ANGPT1: variants seen among roughly 807,000 people sequenced by gnomAD.
ANGPT1 encodes angiopoietin-1.
In ANGPT1, 17 loss-of-function variants were observed where a neutral mutation model predicts 62.2. The observed-to-expected ratio is 0.27, with a 90% confidence interval of 0.19 to 0.41. The LOEUF (loss-of-function observed/expected upper bound fraction) is 0.41, where lower values mean the gene tolerates loss of function less well. ANGPT1 is among the 10% of genes least tolerant of loss of function. ANGPT1 has a pLI of 1.00. For missense variants in ANGPT1, 478 were observed against 594.9 expected (o/e 0.80, Z 2.04); for synonymous variants, 199 against 198.9 (o/e 1.00, Z 0.00).
At chr8:107,379,438 T>C (rs1441348580) in intron 1 of ANGPT1, among the ~76,000 whole-genome samples, 6 of 152,112 alleles carry the variant, frequency 3.9e-5, no homozygotes, top group Non-Finnish European at 1.5e-5. Flanking sequence ...CTGCCTGAGA[T>C]AGAGCAAGCA....
At position 107,497,609 on chromosome 8, in the gene ANGPT1, T is replaced by C; in HGVS notation, c.-51A>G. On this transcript the variant is annotated 5_prime_UTR_variant, in exon 1 of 9. Coordinates refer to ENST00000517746, the MANE Select transcript of ANGPT1 (RefSeq NM_001146.5). The stretch of plus-strand genomic sequence containing the variant: ...GCCTCTCGCAAAACTTGCTCCTTTC[T>C]TCTGACCTCTAAAACTAGTTCTTTA... 2 of 1,554,502 alleles carry C rather than the reference T, an allele frequency of 1.3e-6. No individual in the cohort carries two copies. The highest frequency in any genetic ancestry group is 1.7e-6 in the Non-Finnish European group (2 of 1,145,654).
At chr8:107,264,475 A>G (rs1197348673) in intron 7 of ANGPT1, 124 bp from the exon 8 acceptor site, 1 of 1,230,892 alleles carries the variant, frequency 8.1e-7, no homozygotes, top group Admixed American at 2.7e-5. Flanking sequence ...CAGCCCTTCC[A>G]ACAAACCTCT....
chr8:107,261,113 A>G (rs865864168), intron 8 of ANGPT1, among the ~76,000 whole-genome samples: 2 of 152,234 alleles, frequency 1.3e-5, no homozygotes, highest in Non-Finnish European at 2.9e-5. Context: ...TGGAGAAAAT[A>G]AAGCATATTT....
At chr8:107,277,908 T>C (rs1355929420) in intron 7 of ANGPT1, among the ~76,000 whole-genome samples, 1 of 152,044 alleles carries the variant, frequency 6.6e-6, no homozygotes, top group African/African-American at 2.4e-5. Context: ...CTGGATGGGA[T>C]CCTGAATCCA....
intron 3 of ANGPT1, among the ~76,000 whole-genome samples, chr8:107,329,716 T>C (rs1363295003): frequency 6.6e-6 from 1 of 152,038 alleles, no homozygotes; most frequent in East Asian, 1.9e-4. Context: ...ATGGCATTTG[T>C]TGGGTTAGAG....
chr8:107,365,735 G>T (rs1816258749), intron 1 of ANGPT1, among the ~76,000 whole-genome samples: 2 of 152,018 alleles, frequency 1.3e-5, no homozygotes, highest in Admixed American at 1.3e-4. Context: ...GAATAAGATT[G>T]GTTCTTCTCA....
intron 8 of ANGPT1, among the ~76,000 whole-genome samples, chr8:107,260,022 A>G (rs1158242359): frequency 6.6e-6 from 1 of 152,144 alleles, no homozygotes; most frequent in Non-Finnish European, 1.5e-5. Context: ...TTAAATTTTT[A>G]ATGAAACTTA....
At chr8:107,277,851 G>A (rs1813901795) in intron 7 of ANGPT1, among the ~76,000 whole-genome samples, 1 of 152,068 alleles carries the variant, frequency 6.6e-6, no homozygotes, top group South Asian at 2.1e-4. Flanking sequence ...GACTGTTTCA[G>A]GTAAAAGGCG....
At chr8:107,454,642 G>T (rs187329771) in intron 1 of ANGPT1, among the ~76,000 whole-genome samples, 2 of 151,968 alleles carry the variant, frequency 1.3e-5, no homozygotes, top group African/African-American at 4.8e-5. Flanking sequence ...CCGCTAATGC[G>T]CTGAGATGTA....
intron 1 of ANGPT1, among the ~76,000 whole-genome samples, chr8:107,395,421 T>C (rs1816916661): frequency 6.6e-6 from 1 of 152,208 alleles, no homozygotes; most frequent in Non-Finnish European, 1.5e-5. Flanking sequence ...CATATTTTTG[T>C]TAAGAATTTT....
chr8:107,476,209 G>A (rs1812521712), intron 1 of ANGPT1, among the ~76,000 whole-genome samples: 1 of 152,132 alleles, frequency 6.6e-6, no homozygotes, highest in African/African-American at 2.4e-5. Flanking sequence ...TGATAGACTG[G>A]ATTAAGAAAA....
intron 1 of ANGPT1, among the ~76,000 whole-genome samples, chr8:107,466,812 TGAGATAA>T (rs1302514734): frequency 6.6e-6 from 1 of 151,966 alleles, no homozygotes; most frequent in African/African-American, 2.4e-5. Context: ...CTTAGGAGGC[TGAGATAA>T]GAGAATTGCT....
chr8:107,267,363 A>C (rs1305023931), intron 7 of ANGPT1, among the ~76,000 whole-genome samples: 1 of 152,080 alleles, frequency 6.6e-6, no homozygotes, highest in African/African-American at 2.4e-5. Context: ...GTATCTCTCT[A>C]TATGTGTGCT....
chr8:107,284,920 T>C, intron 6 of ANGPT1, 72 bp from the exon 7 acceptor site: 1 of 1,149,300 alleles, frequency 8.7e-7, no homozygotes, highest in Non-Finnish European at 1.1e-6. Flanking sequence ...TTTAACTATT[T>C]TCTAAATAAT....
At chr8:107,435,998 G>A (rs994827054) in intron 1 of ANGPT1, among the ~76,000 whole-genome samples, 1 of 152,120 alleles carries the variant, frequency 6.6e-6, no homozygotes, top group Non-Finnish European at 1.5e-5. Flanking sequence ...AACCTCCTGG[G>A]CCCAAGCCAT....
intron 1 of ANGPT1, among the ~76,000 whole-genome samples, chr8:107,387,913 T>G (rs1816762952): frequency 6.6e-6 from 1 of 152,112 alleles, no homozygotes; most frequent in Admixed American, 6.6e-5. Context: ...CCCAACTCCT[T>G]TCTAAATTTT....
At chr8:107,399,533 C>A (rs565858054) in intron 1 of ANGPT1, among the ~76,000 whole-genome samples, 1 of 152,104 alleles carries the variant, frequency 6.6e-6, no homozygotes, top group Non-Finnish European at 1.5e-5. Flanking sequence ...AAAAACGCAT[C>A]ATTTAAAATA....
At chr8:107,286,426 G>T (rs957243001) in intron 6 of ANGPT1, among the ~76,000 whole-genome samples, 5 of 152,070 alleles carry the variant, frequency 3.3e-5, no homozygotes, top group African/African-American at 9.7e-5. Context: ...ATATTGCCTT[G>T]CATGTGTCTT....
At chr8:107,433,830 C>T (rs775112065) in intron 1 of ANGPT1, among the ~76,000 whole-genome samples, 20 of 152,300 alleles carry the variant, frequency 1.3e-4, no homozygotes, top group Admixed American at 7.2e-4. Flanking sequence ...AAGTGTACAT[C>T]TCATCCAGAT....
Sources: allele counts gnomAD v4.1 joint callset (sites outside exome capture counted in the v4.1 genomes callset), GRCh38; gene constraint gnomAD v4.1.1; transcripts MANE v1.5; gene names NCBI Gene and HGNC (gene_info 2026-07-23, HGNC 2026-07-21).